The following OPRL1 variants were observed in gnomAD, a reference collection of about 807,000 sequenced individuals.
The protein encoded by OPRL1 is nociceptin receptor.
A neutral mutation model predicts 15.5 loss-of-function variants in OPRL1; 5 were observed. The observed-to-expected ratio is 0.32, with a 90% CI of 0.17 to 0.68. OPRL1 has a LOEUF of 0.68. Among genes scored for constraint, OPRL1 ranks in the 30% least tolerant of loss-of-function variants. The pLI is 0.72. For missense variants in OPRL1, 406 were observed against 515.3 expected (o/e 0.79, Z 2.05); for synonymous variants, 223 against 230.2 (o/e 0.97, Z 0.28).
chr20:64,088,664 A>G (rs1601634469), intron 1 of OPRL1, among the ~76,000 whole-genome samples: 2 of 150,688 alleles, frequency 1.3e-5, no homozygotes, highest in African/African-American at 2.5e-5. Flanking sequence ...GGAGGCCAGG[A>G]TCTGTGCAGA....
chr20:64,095,679 T>C (rs1392419973), intron 3 of OPRL1, among the ~76,000 whole-genome samples: 1 of 151,700 alleles, frequency 6.6e-6, no homozygotes, highest in African/African-American at 2.4e-5. Flanking sequence ...TCCAGGATGT[T>C]TGCCTGGACC....
At position 64,083,601 on chromosome 20, in the gene OPRL1, G is replaced by C. The variant is rs1455091263; in HGVS notation, c.-185+3249G>C. The C allele has an allele frequency of 1.3e-6, 2 of 1,486,302 alleles. No homozygotes were observed. The highest frequency in any genetic ancestry group is 1.3e-5 in the South Asian group (1 of 77,890). 92.1% of individuals were successfully genotyped at this position (1,486,302 alleles called of 1,614,324 possible). On this transcript the variant is annotated intron_variant, in intron 1 of 4. Transcript: ENST00000336866. The surrounding 1 kb of genome is among the most constrained non-coding windows in gnomAD (Gnocchi z 4.9). ...TCTGCACCTCTTGGCGGTCCAGGGG[G>C]TCCGGGATCCGCGCGGGCTTCAGCT... is the stretch of plus-strand genomic sequence containing the variant.
chr20:64,090,226 C>T lies in OPRL1; in HGVS notation c.-184-1740C>T, dbSNP rs184799576. On this transcript the variant is annotated intron_variant, in intron 1 of 4. Transcript: ENST00000336866. This position sits in a 1 kb window ranked among gnomAD's most constrained non-coding sequence, Gnocchi z 4.9. ...ATGTCTCTGTGTGTTCACCCGTATG[C>T]CTGTCTGGGCATCTGTGTGTGTGTT... Among the ~76,000 whole-genome samples, 4 of 152,186 alleles carry T rather than the reference C, an allele frequency of 2.6e-5. No homozygotes were observed.
intron 1 of OPRL1, among the ~76,000 whole-genome samples, chr20:64,091,330 G>T (rs2060114389): frequency 1.3e-5 from 2 of 150,180 alleles, no homozygotes; most frequent in South Asian, 4.2e-4. Context: ...CACTGATCTG[G>T]GGCCCAGCTG....
chr20:64,082,171 T>G (rs2059974460), intron 1 of OPRL1, among the ~76,000 whole-genome samples: 1 of 152,132 alleles, frequency 6.6e-6, no homozygotes. Context: ...CATCAGGGTG[T>G]GAGTGGCTGC....
In OPRL1 at chr20:64,097,603, G is replaced by A. The variant is rs1979331185; in HGVS notation, c.234-199G>A. Among the ~76,000 whole-genome samples, 1 of 152,132 alleles carries A rather than the reference G, an allele frequency of 6.6e-6. No homozygotes were observed. ...GAGCTGGTTAAGACGTTTGACCCCA[G>A]GCCCTACCCCCTGAGACTGACTCAT... On this transcript the variant is annotated intron_variant, in intron 3 of 4. Transcript: ENST00000336866. This position sits in a 1 kb window ranked among gnomAD's most constrained non-coding sequence, Gnocchi z 4.2.
Position 64,083,234 on chromosome 20 carries a change from A to C in OPRL1, c.-185+2882A>C, listed in dbSNP as rs963838140. 8.7e-6 allele frequency: 6 copies of C among 689,296 alleles called. No homozygotes were observed. In the East Asian group the frequency reaches 1.8e-4, roughly 21 times the overall value. 42.7% of individuals were successfully genotyped at this position (689,296 alleles called of 1,614,324 possible). On this transcript the variant is annotated intron_variant, in intron 1 of 4. Transcript: ENST00000336866. This position sits in a 1 kb window ranked among gnomAD's most constrained non-coding sequence, Gnocchi z 4.9. Reference sequence around the variant, plus strand: ...TCCCTGACCTGTTACTTTCACACCCACCCACTTGCGTCTCCCCACTTTTTT... The same window carrying C: ...TCCCTGACCTGTTACTTTCACACCCCCCCACTTGCGTCTCCCCACTTTTTT...
At chr20:64,082,849 G>T (rs1414875998) in intron 1 of OPRL1, among the ~76,000 whole-genome samples, 1 of 151,572 alleles carries the variant, frequency 6.6e-6, no homozygotes, top group Non-Finnish European at 1.5e-5. Context: ...GTGGCATGGG[G>T]CATTAAAGGG....
rs746413074 is a variant in OPRL1, at chr20:64,088,737, G to GC, written c.-184-3229_-184-3228insC. On this transcript the variant is annotated intron_variant, in intron 1 of 4. Coordinates refer to ENST00000336866, the MANE Select transcript of OPRL1 (RefSeq NM_182647.4). Reference sequence around the variant, plus strand: ...AGAGTGGCCAGGATCTGTGCAAGGGGTAGGATCTGTGCAGAGTGGCCAGGA... The same window carrying GC: ...AGAGTGGCCAGGATCTGTGCAAGGGGCTAGGATCTGTGCAGAGTGGCCAGGA... 6.4e-3 allele frequency among the ~76,000 whole-genome samples: 53 copies of GC among 8,218 alleles called. 11 individuals are homozygous for GC. Among genetic ancestry groups the GC allele is most frequent in the Non-Finnish European group, 8.9e-3 (29 of 3,264 alleles). The allele number at this position is 8,218 out of a possible 152,430, so 5.4% of individuals were successfully genotyped here. A position where few individuals can be genotyped will look rare whatever the true frequency, so the allele number is the denominator to read the frequency against.
chr20:64,096,848 C>CCACCATCAT (rs1569278401), intron 3 of OPRL1, among the ~76,000 whole-genome samples: 13 of 129,930 alleles, frequency 1.0e-4, no homozygotes, highest in Admixed American at 8.4e-5. Flanking sequence ...ATGACCATCA[C>CCACCATCAT]CACCATCACC....
chr20:64,097,928 T>C lies in OPRL1; in HGVS notation c.360T>C (p.Asn120=), dbSNP rs759823587. ...TCCTGGGCTTCTGGCCGTTTGGGAA[T>C]GCGCTGTGCAAGACAGTCATTGCCA... ...DILLGFWPFG[N]ALCKTVIAID... Residue 120 remains asparagine, a synonymous_variant, in exon 4 of 5, where the codon AAT becomes AAC. Transcript: ENST00000336866. The surrounding 1 kb of genome is among the most constrained non-coding windows in gnomAD (Gnocchi z 4.2). The C allele has an allele frequency of 7.3e-5, 118 of 1,613,582 alleles. No homozygotes were observed. The highest frequency in any genetic ancestry group is 9.5e-5 in the Non-Finnish European group (112 of 1,180,016).
chr20:64,097,934 G>T lies in OPRL1; in HGVS notation c.366G>T (p.Leu122=). 6.2e-7 allele frequency: 1 copy of T among 1,613,728 alleles called. No individual in the cohort carries two copies. The highest frequency in any genetic ancestry group is 8.5e-7 in the Non-Finnish European group (1 of 1,180,018). ...GCTTCTGGCCGTTTGGGAATGCGCT[G>T]TGCAAGACAGTCATTGCCATTGACT... The part of the protein sequence containing the change: ...LLGFWPFGNA[L]CKTVIAIDYY... The change falls in exon 4 of 5, where the codon CTG becomes CTT. Residue 122 remains leucine, a synonymous_variant. Coordinates refer to ENST00000336866, the MANE Select transcript of OPRL1 (RefSeq NM_182647.4). The surrounding 1 kb of genome is among the most constrained non-coding windows in gnomAD (Gnocchi z 4.2).
Position 64,090,113 on chromosome 20 carries a change from C to T in OPRL1, c.-184-1853C>T, listed in dbSNP as rs572571459. On this transcript the variant is annotated intron_variant, in intron 1 of 4. Transcript: ENST00000336866. This position sits in a 1 kb window ranked among gnomAD's most constrained non-coding sequence, Gnocchi z 4.9. ...CACTCTAGGTCTACCCATGTGCCTGCGTGCACGTTGGCGTCATCTTGCATG... is the reference window on the plus strand; with the variant it reads ...CACTCTAGGTCTACCCATGTGCCTGTGTGCACGTTGGCGTCATCTTGCATG... Among the ~76,000 whole-genome samples, 11 of 152,298 alleles carry T rather than the reference C, an allele frequency of 7.2e-5. No individual in the cohort carries two copies. The highest frequency in any genetic ancestry group is 1.9e-4 in the East Asian group (1 of 5,184).
chr20:64,097,717 G>A lies in OPRL1; in HGVS notation c.234-85G>A, dbSNP rs1164408404. 1 of 1,190,674 alleles carries A rather than the reference G, an allele frequency of 8.4e-7. No individual in the cohort carries two copies. Among genetic ancestry groups the A allele is most frequent in the African/African-American group, 1.5e-5 (1 of 65,948 alleles). 73.8% of individuals were successfully genotyped at this position (1,190,674 alleles called of 1,614,324 possible). ...GGACTCAGGGCCACTGTAGCTTGTGGTGGCCAAGAGGAGCCCCTTGCCCTT... is the reference window on the plus strand; with the variant it reads ...GGACTCAGGGCCACTGTAGCTTGTGATGGCCAAGAGGAGCCCCTTGCCCTT... On this transcript the variant is annotated intron_variant, in intron 3 of 4. Transcript: ENST00000336866. The surrounding 1 kb of genome is among the most constrained non-coding windows in gnomAD (Gnocchi z 4.2).
rs140385797 is a variant in OPRL1, at chr20:64,098,516, C to T, written c.830C>T (p.Thr277Met). ...VVVAVFVGCW[T>M]PVQVFVLAQG... ...GTGGCTGTGTTCGTGGGCTGCTGGA[C>T]GCCTGTCCAGGTCTTCGTGCTGGCC... is the stretch of plus-strand genomic sequence containing the variant. The change falls in exon 5 of 5, where the codon ACG (threonine) becomes ATG (methionine). Residue 277 changes from threonine (T) to methionine (M), a missense_variant. Coordinates refer to ENST00000336866, the MANE Select transcript of OPRL1 (RefSeq NM_182647.4). The T allele has an allele frequency of 1.9e-5, 31 of 1,612,736 alleles. No individual in the cohort carries two copies. In the Middle Eastern group the frequency reaches 8.2e-4, roughly 43 times the overall value.
chr20:64,082,696 C>A (rs938044910), intron 1 of OPRL1, among the ~76,000 whole-genome samples: 1 of 152,060 alleles, frequency 6.6e-6, no homozygotes, highest in African/African-American at 2.4e-5. Context: ...AAGGTCTGCC[C>A]AGAAACCTCG....
At chr20:64,091,454 G>A (rs1036330426) in intron 1 of OPRL1, among the ~76,000 whole-genome samples, 4 of 152,264 alleles carry the variant, frequency 2.6e-5, no homozygotes, top group African/African-American at 7.2e-5. Context: ...TCTCAGCAGT[G>A]GCCGGGTATG....
chr20:64,081,363 G>A (rs2059965323), intron 1 of OPRL1, among the ~76,000 whole-genome samples: 1 of 152,234 alleles, frequency 6.6e-6, no homozygotes, highest in Non-Finnish European at 1.5e-5. Context: ...AGATGGGCCA[G>A]CACCTGGCCC....
chr20:64,086,690 T>G (rs1413814537), intron 1 of OPRL1: 2 of 188,948 alleles, frequency 1.1e-5, no homozygotes, highest in Non-Finnish European at 2.4e-5. Flanking sequence ...TTTGTAAAGT[T>G]AAAATCACAA....
Sources: gnomAD v4.1 joint callset for allele counts (sites outside exome capture counted in the v4.1 genomes callset) on GRCh38, gnomAD v4.1.1 for gene constraint, Gnocchi (gnomAD v3.1) non-coding constraint, MANE v1.5 for transcripts, NCBI Gene and HGNC (gene_info 2026-07-23, HGNC 2026-07-21) for gene names.